The following NHSL1 variants were observed in gnomAD, a reference collection of about 807,000 sequenced individuals.
NHSL1 encodes NHS-like protein 1.
Under a neutral mutation model 95.0 loss-of-function variants are expected in NHSL1, and 48 were observed. That is an observed-to-expected ratio of 0.51 (90% CI 0.40 to 0.64). NHSL1 has a LOEUF of 0.64. Among genes scored for constraint, NHSL1 ranks in the 30% least tolerant of loss-of-function variants. The probability of loss-of-function intolerance (pLI) is 0.00; values close to 1 mark genes in which losing one functional copy is unlikely to be tolerated. For synonymous variants in NHSL1, 783 were observed against 833.9 expected, an observed-to-expected ratio of 0.94 and a Z score of 1.05; for missense variants, 1,971 against 2,077.7, an observed-to-expected ratio of 0.95 and a Z score of 1.00.
At position 138,423,931 on chromosome 6, in the gene NHSL1, TCA is replaced by T. The variant is rs1354208816; in HGVS notation, c.*148_*149del. 3 of 680,666 alleles carry T rather than the reference TCA, an allele frequency of 4.4e-6. No homozygotes were observed. Among genetic ancestry groups the T allele is most frequent in the African/African-American group, 1.9e-5 (1 of 52,530 alleles). The allele number at this position is 680,666 out of a possible 1,614,324, so 42.2% of individuals were successfully genotyped here. A position where few individuals can be genotyped will look rare whatever the true frequency, so the allele number is the denominator to read the frequency against. ...AGGTGAGTCCTAAATAACCGTTCAC[TCA>T]CACTGCAGGGCTGGCAACCCCGGGG... On this transcript the variant is annotated 3_prime_UTR_variant, in exon 8 of 8. Coordinates refer to ENST00000343505, the MANE Select transcript of NHSL1 (RefSeq NM_001144060.2).
intron 1 of NHSL1, among the ~76,000 whole-genome samples, chr6:138,599,734 C>T (rs547899449): frequency 1.7e-4 from 26 of 152,246 alleles, no homozygotes; most frequent in African/African-American, 6.0e-4. Flanking sequence ...CAGGCAGGGT[C>T]AGCTTAGTAC....
At chr6:138,480,270 T>C (rs1342511723) in intron 2 of NHSL1, among the ~76,000 whole-genome samples, 2 of 152,246 alleles carry the variant, frequency 1.3e-5, no homozygotes, top group South Asian at 2.1e-4. Context: ...CCTGTGAATA[T>C]TGTATTTTCC....
intron 1 of NHSL1, among the ~76,000 whole-genome samples, chr6:138,536,600 A>ACCTTTTTTTTTTTT (rs1562356172): frequency 9.9e-6 from 1 of 100,512 alleles, no homozygotes; most frequent in Non-Finnish European, 2.0e-5. Flanking sequence ...GACATATGTC[A>ACCTTTTTTTTTTTT]TCTTTTTTTT....
chr6:138,660,667 A>G (rs549148311), intron 1 of NHSL1, among the ~76,000 whole-genome samples: 33 of 150,406 alleles, frequency 2.2e-4, no homozygotes, highest in African/African-American at 7.8e-4. Context: ...AAAAAATACC[A>G]CCACCAGGCT....
chr6:138,647,485 G>T (rs1386409460), intron 1 of NHSL1, among the ~76,000 whole-genome samples: 4 of 152,074 alleles, frequency 2.6e-5, no homozygotes, highest in Non-Finnish European at 1.5e-5. Flanking sequence ...GTGTGCTTGA[G>T]TGAAAACATT....
rs1252618909 is a variant in NHSL1 at position 138,571,852 on chromosome 6, T to TCA, written c.59_60insTG (p.Arg21AspfsTer4). On this transcript the variant is annotated frameshift_variant, in exon 1 of 7. Transcript: ENST00000427025. LOFTEE classifies it high-confidence loss of function. ...AGAAATTTATCCAACTTACAGCACG[T>TCA]GAGAGAGAACCTGTATTCGGCTGGA... The TCA allele has an allele frequency of 6.4e-7, 1 of 1,551,592 alleles. No individual in the cohort carries two copies. The highest frequency in any genetic ancestry group is 8.7e-7 in the Non-Finnish European group (1 of 1,146,934).
At position 138,423,927 on chromosome 6, in the gene NHSL1, T is replaced by A; in HGVS notation, c.*154A>T. 1.6e-6 allele frequency: 1 copy of A among 624,918 alleles called. No individual in the cohort carries two copies. The highest frequency in any genetic ancestry group is 2.3e-6 in the Non-Finnish European group (1 of 431,826). The allele number at this position is 624,918 out of a possible 1,614,324, so 38.7% of individuals were successfully genotyped here. On this transcript the variant is annotated 3_prime_UTR_variant, in exon 8 of 8. Coordinates refer to ENST00000343505, the MANE Select transcript of NHSL1 (RefSeq NM_001144060.2). ...TGCCAGGTGAGTCCTAAATAACCGTTCACTCACACTGCAGGGCTGGCAACC... is the reference window on the plus strand; with the variant it reads ...TGCCAGGTGAGTCCTAAATAACCGTACACTCACACTGCAGGGCTGGCAACC...
chr6:138,431,383 A>C lies in NHSL1; in HGVS notation c.2962T>G (p.Trp988Gly). 1 of 1,548,772 alleles carries C rather than the reference A, an allele frequency of 6.5e-7. No homozygotes were observed. Among genetic ancestry groups the C allele is most frequent in the Non-Finnish European group, 8.7e-7 (1 of 1,145,844 alleles). The stretch of plus-strand genomic sequence containing the variant: ...GCAGGGCGGGGAGGAGAAAGGCACC[A>C]ATCAGGTGGGGAGCAGAAAGGAATG... ...ALIPFCSPPDWCLSPPRPALS... is the reference protein window; with the variant it reads ...ALIPFCSPPDGCLSPPRPALS... Residue 988 changes from tryptophan to glycine, a missense_variant, in exon 6 of 8, where the codon TGG becomes GGG. This residue lies in a region of NHSL1 where 1,602 missense variants were observed against 1,654.5 expected (regional missense o/e 0.97). Transcript: ENST00000343505. The surrounding 1 kb of genome is among the most constrained non-coding windows in gnomAD (Gnocchi z 4.0).
At chr6:138,610,283 C>T (rs896959426) in intron 1 of NHSL1, among the ~76,000 whole-genome samples, 5 of 152,036 alleles carry the variant, frequency 3.3e-5, no homozygotes, top group South Asian at 2.1e-4. Context: ...AGCAAACTAT[C>T]GCAACGACAA....
chr6:138,626,690 G>A (rs1784742322), intron 1 of NHSL1, among the ~76,000 whole-genome samples: 1 of 72,572 alleles, frequency 1.4e-5, no homozygotes, highest in Admixed American at 1.2e-4. Context: ...TCAGGAGATC[G>A]AGACCATCCC....
At chr6:138,606,481 C>T (rs900012754) in intron 1 of NHSL1, among the ~76,000 whole-genome samples, 8 of 152,146 alleles carry the variant, frequency 5.3e-5, no homozygotes, top group Admixed American at 3.9e-4. Context: ...ATTAAATAGG[C>T]TGGGATTAAA....
chr6:138,636,313 T>C lies in NHSL1; in HGVS notation c.96+56163A>G, dbSNP rs1281258023. Reference sequence around the variant, plus strand: ...TACAACAGACCCATAGCTAATATAATGAACAGGGAAAAAGTAAAAGGCTTT... The same window carrying C: ...TACAACAGACCCATAGCTAATATAACGAACAGGGAAAAAGTAAAAGGCTTT... On this transcript the variant is annotated intron_variant, in intron 1 of 3. Coordinates refer to the NHSL1 transcript ENST00000491526. 2.6e-5 allele frequency among the ~76,000 whole-genome samples: 4 copies of C among 151,982 alleles called. No individual in the cohort carries two copies. In the East Asian group the frequency reaches 7.7e-4, roughly 29 times the overall value.
chr6:138,664,694 G>T (rs1583471559), intron 1 of NHSL1, among the ~76,000 whole-genome samples: 1 of 152,220 alleles, frequency 6.6e-6, no homozygotes, highest in East Asian at 1.9e-4. Flanking sequence ...AGACCAATCT[G>T]TAGCTCTATC....
chr6:138,649,097 G>C (rs1222696309), intron 1 of NHSL1, among the ~76,000 whole-genome samples: 1 of 152,170 alleles, frequency 6.6e-6, no homozygotes, highest in African/African-American at 2.4e-5. Flanking sequence ...ACAGGAAAGT[G>C]TATACGCTAC....
intron 2 of NHSL1, among the ~76,000 whole-genome samples, chr6:138,492,204 C>G (rs76748613): frequency 0.052 from 7,900 of 152,242 alleles, 617 homozygotes; most frequent in African/African-American, 0.17. Flanking sequence ...AAGACTATCT[C>G]CTCTCTCATG....
Position 138,432,045 on chromosome 6 carries a change from C to T in NHSL1, c.2300G>A (p.Ser767Asn), listed in dbSNP as rs762952872. The change falls in exon 6 of 8, where the codon AGT becomes AAT. Residue 767 changes from serine (S) to asparagine (N), a missense_variant. By Grantham distance (46) the Ser-to-Asn change is conservative. Transcript: ENST00000343505. The surrounding 1 kb of genome is among the most constrained non-coding windows in gnomAD (Gnocchi z 4.4). ...YSLCGATPSQ[S>N]DTSSVKSEYT... ...CTCTGACTTGACGCTGCTTGTGTCA[C>T]TCTGCGATGGCGTGGCCCCGCACAG... The T allele has an allele frequency of 1.9e-6, 3 of 1,551,752 alleles. No individual in the cohort carries two copies. Among genetic ancestry groups the T allele is most frequent in the Middle Eastern group, 1.7e-4 (1 of 5,992 alleles).
At chr6:138,524,364 G>A (rs1450194271) in intron 1 of NHSL1, among the ~76,000 whole-genome samples, 2 of 152,042 alleles carry the variant, frequency 1.3e-5, no homozygotes, top group Non-Finnish European at 2.9e-5. Context: ...CAGCTCCCAA[G>A]ACCTCCTGTT....
At chr6:138,491,639 T>G (rs1302803342) in intron 2 of NHSL1, among the ~76,000 whole-genome samples, 3 of 152,250 alleles carry the variant, frequency 2.0e-5, no homozygotes, top group Admixed American at 2.0e-4. Flanking sequence ...GAGTGAATTC[T>G]TCACAGATAA....
intron 1 of NHSL1, among the ~76,000 whole-genome samples, chr6:138,522,982 T>C (rs1240853100): frequency 6.6e-6 from 1 of 152,206 alleles, no homozygotes. Context: ...CCTGAATGAA[T>C]GAGTTTCATT....
Sources: allele counts gnomAD v4.1 joint callset (sites outside exome capture counted in the v4.1 genomes callset), GRCh38; gene constraint gnomAD v4.1.1; regional missense constraint gnomAD v4.1.1; non-coding constraint Gnocchi (gnomAD v3.1); transcripts MANE v1.5; gene names NCBI Gene and HGNC (gene_info 2026-07-23, HGNC 2026-07-21).